WWC2: variants seen among roughly 807,000 people sequenced by gnomAD.
The protein encoded by WWC2 is WW and C2 domain containing 2, also known as protein WWC2.
Under a neutral mutation model 138.5 loss-of-function variants are expected in WWC2, and 101 were observed. The ratio of observed to expected loss-of-function variants is 0.73; its 90% CI spans 0.62 to 0.86. The LOEUF is 0.86. WWC2 is among the 40% of genes least tolerant of loss of function. The probability of loss-of-function intolerance (pLI) is 0.00; values close to 1 mark genes in which losing one functional copy is unlikely to be tolerated. For synonymous variants in WWC2, 558 were observed against 538.4 expected (o/e 1.04, Z -0.50); for missense variants, 1,420 against 1,419.4 (o/e 1.00, Z -0.01).
chr4:183,100,303 A>C (rs1743135031), intron 1 of WWC2, among the ~76,000 whole-genome samples: 1 of 152,258 alleles, frequency 6.6e-6, no homozygotes, highest in South Asian at 2.1e-4. Context: ...AGATGTAGTG[A>C]AATTAACGTT....
intron 4 of WWC2, among the ~76,000 whole-genome samples, chr4:183,214,297 C>T (rs896697358): frequency 3.3e-5 from 5 of 152,068 alleles, no homozygotes; most frequent in South Asian, 4.2e-4. Flanking sequence ...ACTTTGAATT[C>T]GTTTTAGCAG....
Position 183,307,243 on chromosome 4 carries a change from A to G in WWC2, c.3385-5098A>G, listed in dbSNP as rs532703873. 3.3e-5 allele frequency among the ~76,000 whole-genome samples: 5 copies of G among 152,356 alleles called. No homozygotes were observed. The South Asian group carries it at 1.0e-3, about 32-fold the overall frequency. ...CACACTTCTAAATAACAGATGGGTC[A>G]AAGGAGAAATCTTAAGAAAAATTAA... is the stretch of plus-strand genomic sequence containing the variant. On this transcript the variant is annotated intron_variant, in intron 21 of 22. Coordinates refer to ENST00000403733, the MANE Select transcript of WWC2 (RefSeq NM_024949.6).
chr4:183,252,715 A>G (rs1361898395), intron 8 of WWC2, among the ~76,000 whole-genome samples: 2 of 152,146 alleles, frequency 1.3e-5, no homozygotes, highest in South Asian at 2.1e-4. Flanking sequence ...CTAGCACAAT[A>G]ATGTATAAAG....
At chr4:183,228,636 C>T (rs1419199204) in intron 4 of WWC2, among the ~76,000 whole-genome samples, 2 of 152,040 alleles carry the variant, frequency 1.3e-5, no homozygotes, top group Admixed American at 1.3e-4. Context: ...AGCTGTTTCC[C>T]ACCTTTCAGA....
At chr4:183,112,166 A>G (rs1732258042) in intron 1 of WWC2, among the ~76,000 whole-genome samples, 1 of 152,234 alleles carries the variant, frequency 6.6e-6, no homozygotes, top group African/African-American at 2.4e-5. Flanking sequence ...AAAGACTACA[A>G]AACTAACTTG....
chr4:183,133,139 CTTTCTTTTT>C (rs1579971007), intron 1 of WWC2, among the ~76,000 whole-genome samples: 5 of 88,020 alleles, frequency 5.7e-5, no homozygotes, highest in Admixed American at 1.2e-4. Flanking sequence ...TCTTTTCTTT[CTTTCTTTTT>C]TTTCTTTTTT....
chr4:183,116,651 A>G (rs980241059), intron 1 of WWC2, among the ~76,000 whole-genome samples: 5 of 152,238 alleles, frequency 3.3e-5, no homozygotes, highest in Admixed American at 6.5e-5. Context: ...TTCATCACTT[A>G]AAGTTTGCCT....
chr4:183,282,824 A>G lies in WWC2; in HGVS notation c.2801A>G (p.Glu934Gly). Residue 934 changes from glutamate (E) to glycine (G), a missense_variant, in exon 18 of 23, where the codon GAG becomes GGG. Physicochemically the swap from Glu to Gly is moderately conservative, Grantham distance 98. Coordinates refer to ENST00000403733, the MANE Select transcript of WWC2 (RefSeq NM_024949.6). The part of the protein sequence containing the change: ...EDLSSCTSVP[E>G]MNEDGNRKES... ...TTAAGTTCATGCACTAGTGTGCCTG[A>G]GATGAATGAAGACGGGAACAGGAAA... 6.3e-7 allele frequency: 1 copy of G among 1,590,792 alleles called. No individual in the cohort carries two copies. The highest frequency in any genetic ancestry group is 1.7e-4 in the Middle Eastern group (1 of 6,032).
chr4:183,104,501 A>G lies in WWC2; in HGVS notation c.131+4879A>G, dbSNP rs2309802. Among the ~76,000 whole-genome samples, 13 of 152,312 alleles carry G rather than the reference A, an allele frequency of 8.5e-5. No individual in the cohort carries two copies. In the South Asian group the frequency reaches 2.5e-3, roughly 29 times the overall value. On this transcript the variant is annotated intron_variant, in intron 1 of 22. Transcript: ENST00000403733. ...TAGTATAAATATGAGAATTACTTAT[A>G]AGAGCAAAGAAAACAAAATGAACCT...
chr4:183,245,226 A>G (rs1173605171), intron 5 of WWC2, among the ~76,000 whole-genome samples, 190 bp from the exon 6 acceptor site: 3 of 118,558 alleles, frequency 2.5e-5, no homozygotes, highest in African/African-American at 1.1e-4. Context: ...GACTCCATCT[A>G]AAAAAAAAAA....
intron 2 of WWC2, among the ~76,000 whole-genome samples, chr4:183,193,971 G>A (rs1322270647): frequency 6.6e-6 from 1 of 152,188 alleles, no homozygotes; most frequent in Non-Finnish European, 1.5e-5. Flanking sequence ...TTCTCCTTCA[G>A]CACAGGTCTG....
Position 183,099,401 on chromosome 4 carries a change from C to A in WWC2, c.-91C>A. On this transcript the variant is annotated 5_prime_UTR_variant, in exon 1 of 23. Coordinates refer to ENST00000403733, the MANE Select transcript of WWC2 (RefSeq NM_024949.6). ...CAGCCCCTCGCCGGCGCCCGCGTCG[C>A]GGGTTGGCAGCCTAGCCCGGCAGCC... 1 of 1,158,470 alleles carries A rather than the reference C, an allele frequency of 8.6e-7. No homozygotes were observed. The highest frequency in any genetic ancestry group is 1.1e-6 in the Non-Finnish European group (1 of 936,074). The allele number at this position is 1,158,470 out of a possible 1,614,324, so 71.8% of individuals were successfully genotyped here. A position where few individuals can be genotyped will look rare whatever the true frequency, so the allele number is the denominator to read the frequency against.
intron 1 of WWC2, among the ~76,000 whole-genome samples, chr4:183,133,037 C>T (rs1196852759): frequency 1.4e-4 from 20 of 138,222 alleles, no homozygotes; most frequent in Non-Finnish European, 2.8e-4. Context: ...TTTTCCTTTT[C>T]TTTTCCCTTC....
intron 10 of WWC2, 97 bp from the exon 11 acceptor site, chr4:183,260,813 G>T (rs1560872347): frequency 6.9e-7 from 1 of 1,459,062 alleles, no homozygotes; most frequent in Non-Finnish European, 9.2e-7. Context: ...TCTTTAGCAG[G>T]TTTCTTCCCT....
intron 22 of WWC2, among the ~76,000 whole-genome samples, chr4:183,312,745 C>A (rs747490288): frequency 1.1e-4 from 17 of 152,196 alleles, no homozygotes; most frequent in Non-Finnish European, 2.5e-4. Flanking sequence ...ACACAGGATA[C>A]AAAGGTACAG....
At chr4:183,270,243 A>G (rs1268769856) in intron 15 of WWC2, among the ~76,000 whole-genome samples, 1 of 152,238 alleles carries the variant, frequency 6.6e-6, no homozygotes, top group Admixed American at 6.5e-5. Flanking sequence ...TATTATATTG[A>G]TAGCCTTAAA....
chr4:183,172,556 G>GTTTTTTTTTTTTTTTTTTTTTTTTTTTT (rs61599876), intron 1 of WWC2, among the ~76,000 whole-genome samples: 6 of 113,048 alleles, frequency 5.3e-5, no homozygotes, highest in South Asian at 3.0e-4. Flanking sequence ...TATGTTTCTT[G>GTTTTTTTTTTTTTTTTTTTTTTTTTTTT]TTTTTTTTTT....
intron 1 of WWC2, among the ~76,000 whole-genome samples, chr4:183,182,909 C>A (rs1261227412): frequency 1.3e-5 from 2 of 152,214 alleles, no homozygotes; most frequent in African/African-American, 4.8e-5. Context: ...ACAACCCTTT[C>A]ATGATGTAGT....
chr4:183,099,483 C>T lies in WWC2; in HGVS notation c.-9C>T. The T allele has an allele frequency of 1.5e-6, 2 of 1,307,354 alleles. No homozygotes were observed. Among genetic ancestry groups the T allele is most frequent in the Non-Finnish European group, 2.0e-6 (2 of 1,018,038 alleles). 81.0% of individuals were successfully genotyped at this position (1,307,354 alleles called of 1,614,324 possible). On this transcript the variant is annotated 5_prime_UTR_variant, in exon 1 of 23. Transcript: ENST00000403733. Reference sequence around the variant, plus strand: ...ATGGAGGCGCCGCTCGCCGGCGAGGCCGCCGACCATGCCTAGGAGGGCCGG... The same window carrying T: ...ATGGAGGCGCCGCTCGCCGGCGAGGTCGCCGACCATGCCTAGGAGGGCCGG...
Sources: gnomAD v4.1 joint callset for allele counts (sites outside exome capture counted in the v4.1 genomes callset) on GRCh38, gnomAD v4.1.1 for gene constraint, MANE v1.5 for transcripts, NCBI Gene and HGNC (gene_info 2026-07-23, HGNC 2026-07-21) for gene names.